Variants in ANKRD11 observed in about 807,000 individuals in gnomAD.
ANKRD11 encodes ankyrin repeat domain-containing protein 11.
In ANKRD11, 17 loss-of-function variants were observed where a neutral mutation model predicts 195.7. The ratio of observed to expected loss-of-function variants is 0.09; its 90% CI spans 0.06 to 0.13. The LOEUF is 0.13. ANKRD11 is among the 10% of genes least tolerant of loss of function. The pLI is 1.00. For missense variants in ANKRD11, 3,735 were observed against 3,566.1 expected (o/e 1.05, Z -1.21); for synonymous variants, 1,953 against 1,528.1 (o/e 1.28, Z -6.49).
chr16:89,406,303 CA>C (rs767801374), intron 2 of ANKRD11, among the ~76,000 whole-genome samples: 38 of 152,152 alleles, frequency 2.5e-4, no homozygotes, highest in Non-Finnish European at 4.9e-4. Context: ...ACGGCACTGA[CA>C]GAAGCACAGA....
chr16:89,307,557 G>A (rs1259349443), intron 3 of ANKRD11, among the ~76,000 whole-genome samples: 3 of 152,126 alleles, frequency 2.0e-5, no homozygotes, highest in African/African-American at 4.8e-5. Flanking sequence ...CCTCAGGAAC[G>A]TAACACCCAC....
At chr16:89,410,331 T>TC (rs1232670937) in intron 2 of ANKRD11, among the ~76,000 whole-genome samples, 1 of 152,068 alleles carries the variant, frequency 6.6e-6, no homozygotes, top group African/African-American at 2.4e-5. Context: ...TAGAAACTTT[T>TC]CCCACTAACA....
intron 2 of ANKRD11, among the ~76,000 whole-genome samples, chr16:89,364,548 T>A (rs1412652256): frequency 6.6e-6 from 1 of 152,178 alleles, no homozygotes; most frequent in Non-Finnish European, 1.5e-5. Flanking sequence ...AGCACAGCAG[T>A]CAGACCCTAA....
intron 2 of ANKRD11, among the ~76,000 whole-genome samples, chr16:89,341,741 GGTTA>G (rs1263239186): frequency 9.2e-5 from 14 of 152,242 alleles, no homozygotes; most frequent in African/African-American, 3.4e-4. Context: ...AAGGTCCTTG[GGTTA>G]ACTCTCTCTG....
intron 1 of ANKRD11, among the ~76,000 whole-genome samples, chr16:89,447,435 C>G (rs1260705953): frequency 6.6e-6 from 1 of 152,168 alleles, no homozygotes; most frequent in Admixed American, 6.5e-5. Flanking sequence ...AACCACACAG[C>G]TAACACCCAA....
intron 2 of ANKRD11, among the ~76,000 whole-genome samples, chr16:89,326,059 G>C (rs139182004): frequency 2.5e-4 from 38 of 152,324 alleles, no homozygotes; most frequent in African/African-American, 8.4e-4. Context: ...ACGAAGGGGA[G>C]GAGGAGCAAG....
intron 2 of ANKRD11, among the ~76,000 whole-genome samples, chr16:89,317,968 G>A (rs762634787): frequency 5.3e-5 from 8 of 152,118 alleles, no homozygotes; most frequent in African/African-American, 9.7e-5. Context: ...ACTAGAAAGT[G>A]TCCCTACAGC....
At chr16:89,316,839 G>A (rs1413407984) in intron 3 of ANKRD11, 94 bp downstream of exon 3, 3 of 1,441,914 alleles carry the variant, frequency 2.1e-6, no homozygotes, top group African/African-American at 2.8e-5. Context: ...GGGCCGGAGG[G>A]CGGAGAACAG....
At chr16:89,360,056 C>T (rs922320059) in intron 2 of ANKRD11, among the ~76,000 whole-genome samples, 42 of 152,106 alleles carry the variant, frequency 2.8e-4, no homozygotes, top group African/African-American at 8.2e-4. Flanking sequence ...TCCCTCCTCC[C>T]GCCCTCTCCC....
intron 2 of ANKRD11, chr16:89,403,783 A>G (rs1469893696): frequency 6.6e-6 from 1 of 152,154 alleles, no homozygotes; most frequent in East Asian, 1.9e-4. Context: ...AAATAAAAAA[A>G]TTAGGCGGGT....
At chr16:89,350,084 G>C (rs1276519645) in intron 2 of ANKRD11, among the ~76,000 whole-genome samples, 2 of 152,062 alleles carry the variant, frequency 1.3e-5, no homozygotes, top group African/African-American at 2.4e-5. Flanking sequence ...CACCAAAAAA[G>C]CCACATGAAA....
chr16:89,411,134 A>C (rs2042095385), intron 2 of ANKRD11, among the ~76,000 whole-genome samples: 3 of 152,272 alleles, frequency 2.0e-5, no homozygotes, highest in South Asian at 4.1e-4. Flanking sequence ...AGAAGGCAGC[A>C]GCACAGGGGC....
chr16:89,325,449 CCT>C (rs10641419), intron 2 of ANKRD11, among the ~76,000 whole-genome samples: 46 of 139,590 alleles, frequency 3.3e-4, no homozygotes, highest in Middle Eastern at 3.6e-3. Flanking sequence ...TCTCCCCTCT[CCT>C]CTCTCTCTCT....
intron 2 of ANKRD11, chr16:89,412,694 A>T (rs1209265351): frequency 6.6e-6 from 1 of 152,212 alleles, no homozygotes; most frequent in African/African-American, 2.4e-5. Context: ...TCACCCTCAG[A>T]TACAAAAACA....
intron 1 of ANKRD11, among the ~76,000 whole-genome samples, chr16:89,470,101 T>A (rs1597507047): frequency 6.6e-6 from 1 of 151,054 alleles, no homozygotes; most frequent in African/African-American, 2.4e-5. Flanking sequence ...AGAGACGGGG[T>A]TTCACCGTGT....
intron 7 of ANKRD11, chr16:89,287,187 C>T: frequency 9.8e-7 from 1 of 1,021,604 alleles, no homozygotes; most frequent in South Asian, 1.4e-5. Flanking sequence ...GGCCACCACA[C>T]TCCTCGGCCC....
At chr16:89,300,376 T>C in intron 4 of ANKRD11, 1 of 198,572 alleles carries the variant, frequency 5.0e-6, no homozygotes, top group Non-Finnish European at 1.0e-5. Flanking sequence ...AGGCCACTGG[T>C]CCACGGCACA....
chr16:89,398,369 AG>A lies in ANKRD11; in HGVS notation c.-60+19914del, dbSNP rs1367940421. 2.1e-3 allele frequency among the ~76,000 whole-genome samples: 183 copies of A among 88,344 alleles called. 9 individuals are homozygous for A. Among genetic ancestry groups the A allele is most frequent in the African/African-American group, 7.2e-3 (178 of 24,700 alleles). 58.0% of individuals were successfully genotyped at this position (88,344 alleles called of 152,430 possible). A position where few individuals can be genotyped will look rare whatever the true frequency, so the allele number is the denominator to read the frequency against. On this transcript the variant is annotated intron_variant, in intron 2 of 12. Coordinates refer to ENST00000301030, the MANE Select transcript of ANKRD11 (RefSeq NM_013275.6). ...CTCAGCACTCTAGGAGGCTGACATGAGGGACGCTGTGAAACAGATGAAGATT... is the reference window on the plus strand; with the variant it reads ...CTCAGCACTCTAGGAGGCTGACATGAGGACGCTGTGAAACAGATGAAGATT...
intron 1 of ANKRD11, among the ~76,000 whole-genome samples, chr16:89,467,156 G>A (rs1164035760): frequency 3.9e-5 from 6 of 152,160 alleles, no homozygotes; most frequent in Admixed American, 2.6e-4. Flanking sequence ...ATCAGGCCAG[G>A]AGCGGCGGCT....
Sources: allele counts gnomAD v4.1 joint callset (sites outside exome capture counted in the v4.1 genomes callset), GRCh38; gene constraint gnomAD v4.1.1; transcripts MANE v1.5; gene names NCBI Gene and HGNC (gene_info 2026-07-23, HGNC 2026-07-21).